The following PRUNE2 variants were observed in gnomAD, a reference collection of about 807,000 sequenced individuals.
PRUNE2 encodes prune homolog 2 with BCH domain, also known as protein prune homolog 2.
A neutral mutation model predicts 252.0 loss-of-function variants in PRUNE2; 164 were observed. The observed-to-expected ratio is 0.65, with a 90% CI of 0.57 to 0.74. PRUNE2 has a LOEUF of 0.74. PRUNE2 is among the 30% of genes least tolerant of loss of function. PRUNE2 has a pLI of 0.00. For missense variants in PRUNE2, 3,495 were observed against 3,711.0 expected (o/e 0.94, Z 1.51); for synonymous variants, 1,292 against 1,350.2 (o/e 0.96, Z 0.94).
At position 76,655,469 on chromosome 9, in the gene PRUNE2, G is replaced by A. The variant is rs1433787949; in HGVS notation, c.8310C>T (p.Pro2770=). 1.2e-6 allele frequency: 2 copies of A among 1,612,772 alleles called. No individual in the cohort carries two copies. Among genetic ancestry groups the A allele is most frequent in the Admixed American group, 3.3e-5 (2 of 59,874 alleles). Residue 2770 remains proline (P), a synonymous_variant, in exon 10 of 19, where the codon CCC becomes CCT. Coordinates refer to ENST00000376718, the MANE Select transcript of PRUNE2 (RefSeq NM_015225.3). ...TGGGACTCAGCACGCCCTCTTCAAA[G>A]GGGATGTCCATTCCTACATCCTCTG... ...LLSEDVGMDI[P]FEEGVLSPSA...
chr9:76,901,261 T>C (rs550712560), intron 1 of PRUNE2, among the ~76,000 whole-genome samples: 2 of 152,280 alleles, frequency 1.3e-5, no homozygotes, highest in East Asian at 3.9e-4. Flanking sequence ...CATCAGCCCC[T>C]AAGCAAGGGG....
chr9:76,891,002 G>A (rs1395790880), intron 1 of PRUNE2, among the ~76,000 whole-genome samples: 1 of 152,214 alleles, frequency 6.6e-6, no homozygotes, highest in Non-Finnish European at 1.5e-5. Context: ...TCATCTTTGC[G>A]CATATTGGCT....
intron 6 of PRUNE2, among the ~76,000 whole-genome samples, chr9:76,726,481 A>C (rs1378659599): frequency 6.6e-6 from 1 of 152,198 alleles, no homozygotes; most frequent in Non-Finnish European, 1.5e-5. Context: ...AACCAAGCCT[A>C]GTTGTAGGGA....
At chr9:76,628,908 G>C (rs867838930) in intron 16 of PRUNE2, among the ~76,000 whole-genome samples, 1 of 150,844 alleles carries the variant, frequency 6.6e-6, no homozygotes, top group African/African-American at 2.4e-5. Context: ...ACAGTGGCAC[G>C]ATCACAGCTC....
intron 6 of PRUNE2, among the ~76,000 whole-genome samples, chr9:76,767,886 C>T (rs533263103): frequency 6.6e-6 from 1 of 152,300 alleles, no homozygotes; most frequent in South Asian, 2.1e-4. Context: ...TCTCATCTTC[C>T]CTGGCTTCCT....
At chr9:76,885,328 G>T (rs1314005530) in intron 1 of PRUNE2, among the ~76,000 whole-genome samples, 14 of 152,142 alleles carry the variant, frequency 9.2e-5, no homozygotes, top group Admixed American at 9.2e-4. Context: ...ATGCCTTCTA[G>T]CTTGGTGCTA....
chr9:76,854,889 C>A (rs1307125343), intron 1 of PRUNE2, among the ~76,000 whole-genome samples: 2 of 151,072 alleles, frequency 1.3e-5, no homozygotes, highest in East Asian at 2.0e-4. Flanking sequence ...ATGGTGAAAC[C>A]CCATGTCTAC....
At chr9:76,766,273 A>G (rs58324278) in intron 6 of PRUNE2, among the ~76,000 whole-genome samples, 9 of 152,114 alleles carry the variant, frequency 5.9e-5, no homozygotes, top group African/African-American at 2.2e-4. Context: ...AGAAAAGACA[A>G]AAGCTTCAGG....
intron 2 of PRUNE2, among the ~76,000 whole-genome samples, chr9:76,853,410 T>C (rs1208764782): frequency 6.6e-6 from 1 of 152,232 alleles, no homozygotes; most frequent in African/African-American, 2.4e-5. Flanking sequence ...ATTTTTAGGC[T>C]TTACGTTAAT....
chr9:76,712,145 A>G (rs2046786096), intron 7 of PRUNE2, among the ~76,000 whole-genome samples: 1 of 152,172 alleles, frequency 6.6e-6, no homozygotes, highest in Non-Finnish European at 1.5e-5. Context: ...TACTACTACT[A>G]CTAATTAACA....
rs147313899 is a variant in PRUNE2 at position 76,783,014 on chromosome 9, T to C, written c.756+40618A>G. Among the ~76,000 whole-genome samples the C allele has an allele frequency of 7.1e-3, 1,088 of 152,302 alleles. 13 individuals are homozygous for C. The highest frequency in any genetic ancestry group is 0.025 in the African/African-American group (1,052 of 41,568). ...CCCCCATGTTACGTGTCATTTTCCT[T>C]AGGTTTCTTTTAAAGTGCCCAAAAC... On this transcript the variant is annotated intron_variant, in intron 6 of 18. Transcript: ENST00000376718.
intron 6 of PRUNE2, among the ~76,000 whole-genome samples, chr9:76,800,126 G>A (rs920999080): frequency 1.1e-4 from 17 of 152,148 alleles, no homozygotes; most frequent in African/African-American, 3.1e-4. Flanking sequence ...ATGTATACAT[G>A]TGCCATGTTG....
At chr9:76,692,116 G>A (rs2044821752) in intron 9 of PRUNE2, 2 of 717,482 alleles carry the variant, frequency 2.8e-6, no homozygotes, top group Non-Finnish European at 5.2e-6. Flanking sequence ...GGGTGAGAAG[G>A]ATGCACGACT....
At chr9:76,627,915 A>G in intron 16 of PRUNE2, 1 of 358,410 alleles carries the variant, frequency 2.8e-6, no homozygotes, top group Admixed American at 3.5e-5. Context: ...TCATAGACAC[A>G]CATTACATGA....
chr9:76,627,123 C>T (rs141822354), intron 16 of PRUNE2, among the ~76,000 whole-genome samples: 134 of 151,836 alleles, frequency 8.8e-4, no homozygotes, highest in African/African-American at 3.2e-3. Context: ...TTTTTTGAGA[C>T]AGCGTCTCAC....
chr9:76,637,072 G>A (rs1203144271), intron 14 of PRUNE2, among the ~76,000 whole-genome samples: 1 of 151,748 alleles, frequency 6.6e-6, no homozygotes, highest in Non-Finnish European at 1.5e-5. Context: ...GAATGGCCAT[G>A]ATTAATTACA....
chr9:76,899,499 A>C lies in PRUNE2; in HGVS notation c.36+6429T>G, dbSNP rs2063041767. On this transcript the variant is annotated intron_variant, in intron 1 of 18. Coordinates refer to ENST00000376718, the MANE Select transcript of PRUNE2 (RefSeq NM_015225.3). ...AGCCTTTCTTCAGATTCAGACCTCC[A>C]AAAATCTAAACCTGGCCCTCCGTTT... Among the ~76,000 whole-genome samples, 3 of 152,178 alleles carry C rather than the reference A, an allele frequency of 2.0e-5. No homozygotes were observed. The South Asian group carries it at 6.2e-4, about 32-fold the overall frequency.
intron 9 of PRUNE2, among the ~76,000 whole-genome samples, chr9:76,695,986 G>T (rs114667185): frequency 0.013 from 1,933 of 152,240 alleles, 49 homozygotes; most frequent in African/African-American, 0.043. Flanking sequence ...TTGACATTTG[G>T]GGCTGGATAA....
At chr9:76,830,671 A>C (rs138860576) in intron 4 of PRUNE2, among the ~76,000 whole-genome samples, 1 of 151,898 alleles carries the variant, frequency 6.6e-6, no homozygotes, top group African/African-American at 2.4e-5. Context: ...AAAAGAAAAA[A>C]AAAAAAAGAA....
Sources: allele counts gnomAD v4.1 joint callset (sites outside exome capture counted in the v4.1 genomes callset), GRCh38; gene constraint gnomAD v4.1.1; transcripts MANE v1.5; gene names NCBI Gene and HGNC (gene_info 2026-07-23, HGNC 2026-07-21).